SLC6A16: variants seen among roughly 807,000 people sequenced by gnomAD.
The protein encoded by SLC6A16 is solute carrier family 6 member 16.
SLC6A16 carries 54 observed loss-of-function variants against 65.4 expected under a neutral mutation model. That is an observed-to-expected ratio of 0.83 (90% CI 0.66 to 1.04). SLC6A16 has a LOEUF of 1.04. SLC6A16 is among the 50% of genes least tolerant of loss of function. The pLI is 0.00. For missense variants in SLC6A16, 816 were observed against 914.0 expected, an observed-to-expected ratio of 0.89 and a Z score of 1.38; for synonymous variants, 330 against 346.5, an observed-to-expected ratio of 0.95 and a Z score of 0.53.
rs779952062 is a variant in SLC6A16, at chr19:49,290,191, C to A, written c.2143G>T (p.Val715Phe). The A allele has an allele frequency of 1.9e-6, 3 of 1,614,054 alleles. No homozygotes were observed. The highest frequency in any genetic ancestry group is 8.5e-7 in the Non-Finnish European group (1 of 1,180,004). Residue 715 changes from valine to phenylalanine, a missense_variant, in exon 12 of 12, where the codon GTT (valine) becomes TTT (phenylalanine). Transcript: ENST00000335875. Reference sequence around the variant, plus strand: ...ACTTGTAGAATTTCTTCCTTTTGAACCTCTTTACTGGGTGTTAGCTGGTGA... The same window carrying A: ...ACTTGTAGAATTTCTTCCTTTTGAAACTCTTTACTGGGTGTTAGCTGGTGA... ...LSHQLTPSKEVQKEEILQVDE... is the reference protein window; with the variant it reads ...LSHQLTPSKEFQKEEILQVDE...
chr19:49,323,055 G>T (rs1030279699), intron 1 of SLC6A16, among the ~76,000 whole-genome samples: 3 of 151,566 alleles, frequency 2.0e-5, no homozygotes, highest in South Asian at 4.2e-4. Context: ...CAGAATAGAG[G>T]GCCCAGAAAC....
intron 7 of SLC6A16, among the ~76,000 whole-genome samples, chr19:49,296,577 G>A (rs1055768554): frequency 2.6e-5 from 4 of 152,144 alleles, no homozygotes; most frequent in Non-Finnish European, 5.9e-5. Context: ...TAGAACAACT[G>A]AATATCTAAA....
intron 1 of SLC6A16, among the ~76,000 whole-genome samples, chr19:49,315,917 C>T (rs1247705559): frequency 6.6e-6 from 1 of 152,080 alleles, no homozygotes; most frequent in African/African-American, 2.4e-5. Flanking sequence ...CAGCTATCAG[C>T]ACTTCCTTCC....
chr19:49,294,248 G>T, intron 8 of SLC6A16, 119 bp downstream of exon 8: 1 of 1,032,470 alleles, frequency 9.7e-7, no homozygotes, highest in Non-Finnish European at 1.4e-6. Flanking sequence ...GTATTACTGA[G>T]AGCCACAGAT....
At position 49,309,614 on chromosome 19, in the gene SLC6A16, T is replaced by C. The variant is rs199883014; in HGVS notation, c.876+37A>G. 19 of 1,580,338 alleles carry C rather than the reference T, an allele frequency of 1.2e-5. No homozygotes were observed. The Admixed American group carries it at 3.0e-4, about 25-fold the overall frequency. ...ACAAATTGAGGTAAGGGCTAAAGCA[T>C]CTGAGAATTTCAAGGAATCCAATAC... On this transcript the variant is annotated intron_variant, in intron 5 of 11. Coordinates refer to ENST00000335875, the MANE Select transcript of SLC6A16 (RefSeq NM_014037.3).
chr19:49,325,901 C>T (rs906969975), upstream of SLC6A16, among the ~76,000 whole-genome samples: 13 of 152,130 alleles, frequency 8.5e-5, no homozygotes, highest in African/African-American at 3.1e-4. Context: ...CGGTGGCTGA[C>T]GCCTGTAATC....
chr19:49,337,333 TAA>T, the SLC6A16 span: 1 of 1,039,186 alleles, frequency 9.6e-7, no homozygotes, highest in Non-Finnish European at 1.5e-6. Flanking sequence ...CTAACCTAGA[TAA>T]AGAGAAATAA....
At chr19:49,316,559 A>G (rs968655111) in intron 1 of SLC6A16, among the ~76,000 whole-genome samples, 8 of 152,206 alleles carry the variant, frequency 5.3e-5, no homozygotes, top group Non-Finnish European at 8.8e-5. Context: ...GCCTAATCCA[A>G]TAACAGTTGA....
At chr19:49,299,077 C>G (rs1652014198) in intron 7 of SLC6A16, among the ~76,000 whole-genome samples, 1 of 151,844 alleles carries the variant, frequency 6.6e-6, no homozygotes, top group South Asian at 2.1e-4. Context: ...AACCCCGTCT[C>G]TACTAAAAAT....
At chr19:49,293,521 T>G (rs1390716777) in intron 9 of SLC6A16, 139 bp from the exon 10 acceptor site, 1 of 786,144 alleles carries the variant, frequency 1.3e-6, no homozygotes, top group Non-Finnish European at 2.0e-6. Flanking sequence ...TCCAAGCATT[T>G]TGGGGAGCCT....
At chr19:49,339,971 AG>A in the SLC6A16 span, 1 of 1,418,354 alleles carries the variant, frequency 7.1e-7, no homozygotes, top group Admixed American at 2.8e-5. The surrounding 1 kb of genome is among the most constrained non-coding windows in gnomAD (Gnocchi z 4.5). Context: ...GCTGAGGCAG[AG>A]GGGGAAGACA....
intron 1 of SLC6A16, among the ~76,000 whole-genome samples, chr19:49,321,165 T>C (rs1970703916): frequency 1.3e-5 from 2 of 152,134 alleles, no homozygotes; most frequent in Non-Finnish European, 2.9e-5. Context: ...TTATATACCA[T>C]GACCAAGTGG....
At position 49,294,024 on chromosome 19, in the gene SLC6A16, C is replaced by A; in HGVS notation, c.1421G>T (p.Ser474Ile). ...CAGGAATGCAAACTTTGGGCCCTCGCTAGCCTGCAAAGAGAACAAAGAGGT... is the reference window on the plus strand; with the variant it reads ...CAGGAATGCAAACTTTGGGCCCTCGATAGCCTGCAAAGAGAACAAAGAGGT... ...CNIETQFLKA[S>I]EGPKFAFLSF... The change falls in exon 9 of 12, where the codon AGC becomes ATC. Residue 474 changes from serine (S) to isoleucine (I), a missense_variant. Transcript: ENST00000335875. 2 of 1,610,568 alleles carry A rather than the reference C, an allele frequency of 1.2e-6. No homozygotes were observed. Among genetic ancestry groups the A allele is most frequent in the Non-Finnish European group, 1.7e-6 (2 of 1,179,834 alleles).
At chr19:49,335,203 T>G in the SLC6A16 span, 2 of 307,122 alleles carry the variant, frequency 6.5e-6, no homozygotes, top group South Asian at 4.7e-5. The surrounding 1 kb of genome is among the most constrained non-coding windows in gnomAD (Gnocchi z 4.6). Flanking sequence ...AGATCAGGGG[T>G]CCCTTTAGAT....
At chr19:49,312,099 C>T (rs572479709) in intron 1 of SLC6A16, among the ~76,000 whole-genome samples, 2 of 151,896 alleles carry the variant, frequency 1.3e-5, no homozygotes, top group African/African-American at 4.8e-5. Flanking sequence ...TCAAGTGATC[C>T]GCCCACCTCA....
the SLC6A16 span, chr19:49,331,739 T>G: frequency 2.2e-6 from 1 of 457,140 alleles, no homozygotes; most frequent in African/African-American, 2.0e-5. Context: ...AAATGGGCTG[T>G]GTCCCTTCTG....
chr19:49,304,019 CACTG>C (rs1970336322), intron 7 of SLC6A16, among the ~76,000 whole-genome samples: 1 of 152,216 alleles, frequency 6.6e-6, no homozygotes, highest in Non-Finnish European at 1.5e-5. Flanking sequence ...AAGAGTTTGA[CACTG>C]ACTCCAAGTC....
chr19:49,303,514 G>A (rs992674854), intron 7 of SLC6A16, among the ~76,000 whole-genome samples: 7 of 151,996 alleles, frequency 4.6e-5, no homozygotes, highest in Non-Finnish European at 1.0e-4. Context: ...AATTGGCTGG[G>A]CATGGTGGCG....
At chr19:49,321,700 C>A (rs1039852132) in intron 1 of SLC6A16, among the ~76,000 whole-genome samples, 1 of 150,622 alleles carries the variant, frequency 6.6e-6, no homozygotes, top group Admixed American at 6.6e-5. Flanking sequence ...CATACCACTG[C>A]ACTCCAGCCT....
Sources: allele counts gnomAD v4.1 joint callset (sites outside exome capture counted in the v4.1 genomes callset), GRCh38; gene constraint gnomAD v4.1.1; non-coding constraint Gnocchi (gnomAD v3.1); transcripts MANE v1.5; gene names NCBI Gene and HGNC (gene_info 2026-07-23, HGNC 2026-07-21).